Variants in UIMC1 observed in about 807,000 individuals in gnomAD.
The protein encoded by UIMC1 is BRCA1-A complex subunit RAP80.
A neutral mutation model predicts 84.9 loss-of-function variants in UIMC1; 42 were observed. The ratio of observed to expected loss-of-function variants is 0.49; its 90% confidence interval spans 0.39 to 0.64. UIMC1 has a LOEUF of 0.64. Ranked by LOEUF, UIMC1 falls within the 30% of genes least tolerant of loss-of-function variation. The probability of loss-of-function intolerance (pLI) is 0.00; values close to 1 mark genes in which losing one functional copy is unlikely to be tolerated. For missense variants in UIMC1, 825 were observed against 847.6 expected (o/e 0.97, Z 0.33); for synonymous variants, 281 against 293.0 (o/e 0.96, Z 0.42).
intron 6 of UIMC1, among the ~76,000 whole-genome samples, chr5:176,966,419 T>G (rs1768316351): frequency 6.6e-6 from 1 of 152,232 alleles, no homozygotes; most frequent in South Asian, 2.1e-4. Context: ...ATGTTCTCTA[T>G]TCTATGAAGC....
intron 1 of UIMC1, among the ~76,000 whole-genome samples, chr5:177,000,494 A>G (rs1283853422): frequency 8.0e-6 from 1 of 125,570 alleles, no homozygotes; most frequent in Non-Finnish European, 1.6e-5. Flanking sequence ...TTCCACTTGC[A>G]TGTCTTTTTT....
chr5:176,949,547 T>A (rs1168411780), intron 9 of UIMC1, among the ~76,000 whole-genome samples: 1 of 152,146 alleles, frequency 6.6e-6, no homozygotes, highest in Non-Finnish European at 1.5e-5. Context: ...CAGAGGCCAT[T>A]TTGACATTAT....
At chr5:176,946,963 T>C (rs1329491298) in intron 9 of UIMC1, among the ~76,000 whole-genome samples, 1 of 152,236 alleles carries the variant, frequency 6.6e-6, no homozygotes, top group Non-Finnish European at 1.5e-5. Flanking sequence ...GGGCAGTTAC[T>C]TGGCCTTCTA....
rs1759193086 is a variant in UIMC1 at position 176,905,237 on chromosome 5, C to T, written c.*45G>A. 1.3e-6 allele frequency: 2 copies of T among 1,599,182 alleles called. No homozygotes were observed. The highest frequency in any genetic ancestry group is 1.7e-6 in the Non-Finnish European group (2 of 1,169,954). On this transcript the variant is annotated 3_prime_UTR_variant, in exon 15 of 15. Transcript: ENST00000511320. ...CCACTATGGCTTAATGAACATGGCC[C>T]ACCCCTCCTACTAATGGTTTTGTCA...
At chr5:177,022,544 A>T in exon 1 of UIMC1, 1 of 562,506 alleles carries the variant, frequency 1.8e-6, no homozygotes, top group Non-Finnish European at 3.0e-6. Flanking sequence ...AATCAGCGAC[A>T]GGTTTCCGAA....
intron 1 of UIMC1, among the ~76,000 whole-genome samples, chr5:176,989,444 G>A (rs1772486411): frequency 6.6e-6 from 1 of 152,070 alleles, no homozygotes; most frequent in Admixed American, 6.6e-5. Flanking sequence ...AGGATCATCT[G>A]AGGACAAGAG....
intron 7 of UIMC1, among the ~76,000 whole-genome samples, chr5:176,957,492 GAAC>G (rs974100980): frequency 2.0e-5 from 3 of 152,190 alleles, no homozygotes; most frequent in Admixed American, 2.0e-4. Context: ...CAATCAGCAA[GAAC>G]AATGGAGGAG....
intron 3 of UIMC1, among the ~76,000 whole-genome samples, chr5:176,974,428 C>T (rs1009637147): frequency 4.6e-5 from 7 of 152,048 alleles, no homozygotes; most frequent in Non-Finnish European, 1.0e-4. Flanking sequence ...AAAGCTAAAA[C>T]TATAAAATTT....
rs552199603 is a variant in UIMC1, at chr5:176,983,879, G to A, written c.-8-1256C>T. ...GAGGAAGTGAGGAGTGCCTCTGCCC[G>A]GCCGCCACCCCATCTGGGATGTGAG... On this transcript the variant is annotated intron_variant, in intron 1 of 14. Coordinates refer to ENST00000511320, the MANE Select transcript of UIMC1 (RefSeq NM_001199298.2). Among the ~76,000 whole-genome samples, 24 of 140,740 alleles carry A rather than the reference G, an allele frequency of 1.7e-4. No individual in the cohort carries two copies. In the East Asian group the frequency reaches 2.2e-3, roughly 13 times the overall value. 92.3% of individuals were successfully genotyped at this position (140,740 alleles called of 152,430 possible). A position where few individuals can be genotyped will look rare whatever the true frequency, so the allele number is the denominator to read the frequency against.
chr5:176,997,367 G>C (rs893046146), intron 1 of UIMC1, among the ~76,000 whole-genome samples: 18 of 151,910 alleles, frequency 1.2e-4, no homozygotes, highest in African/African-American at 4.1e-4. Context: ...CTTTTCAACT[G>C]CAAATCTTAA....
At chr5:176,930,072 T>C (rs563781455) in intron 10 of UIMC1, among the ~76,000 whole-genome samples, 12 of 152,368 alleles carry the variant, frequency 7.9e-5, no homozygotes, top group South Asian at 6.2e-4. Context: ...TAAAAGGTTT[T>C]ATAATGTAAT....
rs1025233059 is a variant in UIMC1 at position 177,013,067 on chromosome 5, G to A, written c.-9+9397C>T. ...TTGCACTCTAGCCTGGGTGACAGAC[G>A]GAGATCTTGTATCAAAAAAAAAAAA... On this transcript the variant is annotated intron_variant, in intron 1 of 5. Transcript: ENST00000509236. 4.1e-5 allele frequency among the ~76,000 whole-genome samples: 6 copies of A among 147,556 alleles called. No homozygotes were observed. The South Asian group carries it at 6.8e-4, about 17-fold the overall frequency.
chr5:177,014,507 T>G (rs1775631644), intron 1 of UIMC1, among the ~76,000 whole-genome samples: 1 of 152,114 alleles, frequency 6.6e-6, no homozygotes, highest in Non-Finnish European at 1.5e-5. Context: ...TATGTAATGC[T>G]GTGGTTGAAA....
intron 1 of UIMC1, among the ~76,000 whole-genome samples, chr5:177,005,051 C>A (rs1338438376): frequency 6.6e-6 from 1 of 151,962 alleles, no homozygotes; most frequent in Non-Finnish European, 1.5e-5. Flanking sequence ...CGCGCCACCA[C>A]GCCCAGCTAA....
intron 9 of UIMC1, among the ~76,000 whole-genome samples, chr5:176,944,585 A>G (rs1451842154): frequency 6.6e-6 from 1 of 152,224 alleles, no homozygotes; most frequent in African/African-American, 2.4e-5. Context: ...ACCTTACTAC[A>G]TGAGGAAAAC....
intron 10 of UIMC1, among the ~76,000 whole-genome samples, chr5:176,913,768 G>C (rs1335887052): frequency 2.0e-5 from 3 of 152,204 alleles, no homozygotes; most frequent in African/African-American, 7.2e-5. Context: ...CTTGAGACCA[G>C]GAGTTCGAGA....
At chr5:176,924,884 C>T (rs929790959) in intron 10 of UIMC1, among the ~76,000 whole-genome samples, 2 of 151,736 alleles carry the variant, frequency 1.3e-5, no homozygotes, top group Admixed American at 6.6e-5. Context: ...ACTAAAAATA[C>T]GAAAATTAGC....
intron 10 of UIMC1, among the ~76,000 whole-genome samples, chr5:176,937,390 G>A (rs1431559151): frequency 6.6e-6 from 1 of 152,158 alleles, no homozygotes; most frequent in African/African-American, 2.4e-5. Context: ...AGCTACTCGG[G>A]AGACTGAGAC....
intron 1 of UIMC1, among the ~76,000 whole-genome samples, chr5:176,992,304 G>A (rs1214287354): frequency 1.3e-5 from 2 of 151,846 alleles, no homozygotes; most frequent in African/African-American, 2.4e-5. Flanking sequence ...ATTCTCAAAG[G>A]AGCGAAAGAC....
Sources: gnomAD v4.1 joint callset for allele counts (sites outside exome capture counted in the v4.1 genomes callset) on GRCh38, gnomAD v4.1.1 for gene constraint, MANE v1.5 for transcripts, NCBI Gene and HGNC (gene_info 2026-07-23, HGNC 2026-07-21) for gene names.